Variants in CHST8 observed in about 807,000 individuals in gnomAD.
CHST8 encodes the protein GALNAC-4-ST1.
Under a neutral mutation model 15.0 loss-of-function variants are expected in CHST8, and 10 were observed. The ratio of observed to expected loss-of-function variants is 0.67; its 90% CI spans 0.41 to 1.13. CHST8 has a LOEUF of 1.13. Ranked by LOEUF, CHST8 falls within the 50% of genes most tolerant of loss-of-function variation. CHST8 has a pLI of 0.00. For missense variants in CHST8, 634 were observed against 608.2 expected (o/e 1.04, Z -0.45); for synonymous variants, 259 against 256.6 (o/e 1.01, Z -0.09).
chr19:33,667,560 C>G (rs1044200999), intron 1 of CHST8, among the ~76,000 whole-genome samples: 2 of 152,238 alleles, frequency 1.3e-5, no homozygotes, highest in East Asian at 3.9e-4. Context: ...CCAAATTGTT[C>G]TTGTCTGTTT....
chr19:33,664,276 A>T (rs1240091028), intron 1 of CHST8, among the ~76,000 whole-genome samples: 22 of 151,650 alleles, frequency 1.5e-4, no homozygotes, highest in Admixed American at 1.4e-3. Context: ...TTTCTTTTTT[A>T]TTTATTTATT....
intron 1 of CHST8, among the ~76,000 whole-genome samples, chr19:33,661,302 A>G (rs1210563687): frequency 2.0e-5 from 3 of 152,198 alleles, no homozygotes; most frequent in African/African-American, 7.2e-5. Context: ...ACTTGGCAAC[A>G]CCTGCACCTT....
chr19:33,758,532 C>A (rs1386784923), intron 3 of CHST8, among the ~76,000 whole-genome samples: 1 of 152,256 alleles, frequency 6.6e-6, no homozygotes, highest in Non-Finnish European at 1.5e-5. Context: ...GGTATCACAG[C>A]AACAGCTGTG....
At chr19:33,673,182 G>A (rs1368568877) in intron 2 of CHST8, among the ~76,000 whole-genome samples, 1 of 152,212 alleles carries the variant, frequency 6.6e-6, no homozygotes, top group Non-Finnish European at 1.5e-5. Context: ...TGGTCCCCGT[G>A]CCCGCCAAGC....
chr19:33,664,190 G>C (rs1236589798), intron 1 of CHST8, among the ~76,000 whole-genome samples: 1 of 152,106 alleles, frequency 6.6e-6, no homozygotes, highest in East Asian at 1.9e-4. Context: ...ATGCATTCCT[G>C]TGTACTTGTG....
chr19:33,720,874 G>A (rs141700506), intron 3 of CHST8, among the ~76,000 whole-genome samples: 4 of 152,238 alleles, frequency 2.6e-5, no homozygotes, highest in Non-Finnish European at 2.9e-5. Context: ...TGAGGGCCAC[G>A]TCCATCATTG....
chr19:33,759,037 A>G (rs1219250936), intron 3 of CHST8, among the ~76,000 whole-genome samples: 2 of 152,142 alleles, frequency 1.3e-5, no homozygotes, highest in African/African-American at 4.8e-5. Context: ...GCGGTGCCAC[A>G]CTTCACAACA....
intron 1 of CHST8, among the ~76,000 whole-genome samples, chr19:33,659,809 T>TA (rs1020143109): frequency 2.7e-5 from 4 of 150,650 alleles, no homozygotes; most frequent in South Asian, 2.1e-4. Flanking sequence ...AGACCCTGTT[T>TA]AAAAAAAAAA....
chr19:33,714,924 A>G (rs2145300005), intron 3 of CHST8, among the ~76,000 whole-genome samples: 1 of 152,290 alleles, frequency 6.6e-6, no homozygotes, highest in East Asian at 1.9e-4. Flanking sequence ...GTATGTCTTT[A>G]TCAGCAGCAT....
chr19:33,727,487 T>C (rs994458860), intron 3 of CHST8, among the ~76,000 whole-genome samples: 2 of 152,012 alleles, frequency 1.3e-5, no homozygotes, highest in Non-Finnish European at 2.9e-5. Flanking sequence ...AGTCCCAGAG[T>C]GGGCTGTAGT....
intron 1 of CHST8, among the ~76,000 whole-genome samples, chr19:33,645,716 G>A (rs921235912): frequency 7.8e-4 from 119 of 152,220 alleles, no homozygotes; most frequent in African/African-American, 2.6e-3. Context: ...GGATATACAA[G>A]TTTGGAGTTA....
At chr19:33,738,365 C>G (rs1012821090) in intron 3 of CHST8, among the ~76,000 whole-genome samples, 4 of 152,144 alleles carry the variant, frequency 2.6e-5, no homozygotes, top group African/African-American at 9.7e-5. Context: ...ACATTCAAAC[C>G]CCCCATCCCT....
intron 2 of CHST8, among the ~76,000 whole-genome samples, chr19:33,687,887 T>C (rs907720896): frequency 1.3e-5 from 2 of 152,084 alleles, no homozygotes; most frequent in Non-Finnish European, 2.9e-5. Flanking sequence ...GAGATGTCCT[T>C]GGGCCGAGCA....
intron 1 of CHST8, among the ~76,000 whole-genome samples, chr19:33,662,289 G>C (rs1972598173): frequency 6.6e-6 from 1 of 152,126 alleles, no homozygotes; most frequent in African/African-American, 2.4e-5. Context: ...TGTTGCCCAG[G>C]CTGGTCTCAA....
At chr19:33,664,343 G>C (rs1972625469) in intron 1 of CHST8, among the ~76,000 whole-genome samples, 2 of 151,478 alleles carry the variant, frequency 1.3e-5, no homozygotes, top group African/African-American at 4.8e-5. Context: ...GTGCAGGTTA[G>C]TTACATATGT....
At chr19:33,639,222 GATT>G (rs1193861867) in intron 1 of CHST8, among the ~76,000 whole-genome samples, 1 of 151,940 alleles carries the variant, frequency 6.6e-6, no homozygotes, top group Non-Finnish European at 1.5e-5. Context: ...ATGTAGAAAA[GATT>G]AATGTACAGT....
At chr19:33,645,769 C>A (rs1405819518) in intron 1 of CHST8, among the ~76,000 whole-genome samples, 1 of 152,188 alleles carries the variant, frequency 6.6e-6, no homozygotes, top group Admixed American at 6.5e-5. Context: ...CCAATGGGTT[C>A]TTCTTATTGG....
At chr19:33,739,240 A>G (rs1227263309) in intron 3 of CHST8, among the ~76,000 whole-genome samples, 1 of 152,114 alleles carries the variant, frequency 6.6e-6, no homozygotes, top group African/African-American at 2.4e-5. Context: ...CATGACTATT[A>G]TCATCCTCCG....
chr19:33,691,600 C>T (rs1421218392), intron 3 of CHST8, among the ~76,000 whole-genome samples: 1 of 151,974 alleles, frequency 6.6e-6, no homozygotes, highest in Non-Finnish European at 1.5e-5. Context: ...GTTACATTTT[C>T]TTCTGATCTT....
Sources: allele counts gnomAD v4.1 joint callset (sites outside exome capture counted in the v4.1 genomes callset), GRCh38; gene constraint gnomAD v4.1.1; transcripts MANE v1.5; gene names NCBI Gene and HGNC (gene_info 2026-07-23, HGNC 2026-07-21).